Variants in METAP1 observed in about 807,000 individuals in gnomAD.
The protein encoded by METAP1 is methionyl aminopeptidase 1.
In METAP1, 28 loss-of-function variants were observed where a neutral mutation model predicts 53.8. The ratio of observed to expected loss-of-function variants is 0.52; its 90% CI spans 0.39 to 0.71. METAP1 has a LOEUF of 0.71. METAP1 is among the 30% of genes least tolerant of loss of function. The pLI, the probability that METAP1 is intolerant of heterozygous loss-of-function variation, is 0.00. For missense variants in METAP1, 389 were observed against 479.8 expected, an observed-to-expected ratio of 0.81 and a Z score of 1.77; for synonymous variants, 181 against 165.7, an observed-to-expected ratio of 1.09 and a Z score of -0.71.
intron 9 of METAP1, among the ~76,000 whole-genome samples, chr4:99,055,024 C>T (rs1726994440): frequency 6.6e-6 from 1 of 151,860 alleles, no homozygotes; most frequent in Admixed American, 6.6e-5. Context: ...AGTGAACATG[C>T]ACTGTTGGAA....
At chr4:99,013,437 T>C (rs990642749) in intron 1 of METAP1, among the ~76,000 whole-genome samples, 1 of 152,156 alleles carries the variant, frequency 6.6e-6, no homozygotes, top group Non-Finnish European at 1.5e-5. Flanking sequence ...CTGTTGGGCA[T>C]GGGAGTTTGA....
At chr4:99,041,899 T>C (rs1334970347) in intron 6 of METAP1, among the ~76,000 whole-genome samples, 1 of 150,838 alleles carries the variant, frequency 6.6e-6, no homozygotes, top group African/African-American at 2.5e-5. Context: ...CAGAATCTTA[T>C]TAATCCTGAC....
At chr4:99,025,030 C>G (rs760463829) in intron 1 of METAP1, among the ~76,000 whole-genome samples, 1 of 152,226 alleles carries the variant, frequency 6.6e-6, no homozygotes, top group Non-Finnish European at 1.5e-5. Flanking sequence ...CTATGAGAAT[C>G]TAATGCCACT....
At position 99,023,360 on chromosome 4, in the gene METAP1, T is replaced by C. The variant is rs547404815; in HGVS notation, c.115-5507T>C. On this transcript the variant is annotated intron_variant, in intron 1 of 10. Coordinates refer to ENST00000296411, the MANE Select transcript of METAP1 (RefSeq NM_015143.3). ...TTGGAATTGAGCTACTGGGTCAAAGTATTTTTTTTTGTCTTTGCATATGTG... is the reference window on the plus strand; with the variant it reads ...TTGGAATTGAGCTACTGGGTCAAAGCATTTTTTTTTGTCTTTGCATATGTG... 3.5e-6 allele frequency: 3 copies of C among 853,600 alleles called. No homozygotes were observed. In the South Asian group the frequency reaches 1.4e-4, roughly 40 times the overall value. The allele number at this position is 853,600 out of a possible 1,614,324, so 52.9% of individuals were successfully genotyped here.
chr4:99,041,672 A>G (rs1283654212), intron 6 of METAP1, among the ~76,000 whole-genome samples: 2 of 152,034 alleles, frequency 1.3e-5, no homozygotes, highest in Admixed American at 1.3e-4. Flanking sequence ...TTAATATAAC[A>G]TATGGAAAGC....
At position 99,043,295 on chromosome 4, in the gene METAP1, AT is replaced by A; in HGVS notation, c.566del (p.Phe189SerfsTer9). On this transcript the variant is annotated frameshift_variant, in exon 7 of 11. Transcript: ENST00000296411. LOFTEE classifies it high-confidence loss of function. Reference protein sequence around the residue: ...NCYPSPLNYYNFPKSCCTSVN... With the variant: ...NCYPSPLNYYXFPKSCCTSVN... ...TACCCTTCTCCCCTGAATTATTATA[AT>A]TTCCCAAAGTCTTGTTGTACCTCAG... 6.2e-7 allele frequency: 1 copy of A among 1,606,102 alleles called. No homozygotes were observed.
chr4:98,996,770 G>A (rs1439926524), intron 1 of METAP1, among the ~76,000 whole-genome samples: 3 of 152,192 alleles, frequency 2.0e-5, no homozygotes, highest in African/African-American at 7.2e-5. Flanking sequence ...CAGGATGAGG[G>A]CTGGGCGGCA....
chr4:99,035,358 A>C, intron 3 of METAP1, 42 bp from the exon 4 acceptor site: 2 of 1,424,552 alleles, frequency 1.4e-6, no homozygotes, highest in Non-Finnish European at 1.9e-6. Context: ...CGTTTTATTT[A>C]TTTTTCGTTG....
intron 7 of METAP1, among the ~76,000 whole-genome samples, chr4:99,044,653 A>G (rs763014003): frequency 3.3e-5 from 5 of 151,800 alleles, no homozygotes; most frequent in Non-Finnish European, 5.9e-5. Flanking sequence ...TATATAATAT[A>G]TAGTATAATA....
At chr4:99,012,399 T>C (rs1260579742) in intron 1 of METAP1, among the ~76,000 whole-genome samples, 1 of 151,510 alleles carries the variant, frequency 6.6e-6, no homozygotes, top group Non-Finnish European at 1.5e-5. Flanking sequence ...GCCTCTCGAG[T>C]AGCTGCACTG....
chr4:99,047,693 G>C (rs564097201), intron 8 of METAP1, among the ~76,000 whole-genome samples: 95 of 152,330 alleles, frequency 6.2e-4, no homozygotes, highest in Non-Finnish European at 1.1e-3. Flanking sequence ...CTGAGTAGGA[G>C]AGTAGAGAGA....
At chr4:99,022,848 C>T (rs980010674) in intron 1 of METAP1, 98 of 1,561,554 alleles carry the variant, frequency 6.3e-5, no homozygotes, top group Non-Finnish European at 8.0e-5. Flanking sequence ...TGCTTTTTTC[C>T]CTCCCACGGC....
At chr4:99,039,525 T>G in intron 5 of METAP1, 60 bp downstream of exon 5, 1 of 988,468 alleles carries the variant, frequency 1.0e-6, no homozygotes, top group Non-Finnish European at 1.6e-6. Flanking sequence ...AGACATGAAG[T>G]CAGTGGTTTG....
At chr4:99,045,624 C>T (rs1660222690) in intron 8 of METAP1, among the ~76,000 whole-genome samples, 1 of 152,114 alleles carries the variant, frequency 6.6e-6, no homozygotes, top group Non-Finnish European at 1.5e-5. Context: ...CTTTCCAGTA[C>T]ATAAATATTA....
chr4:99,022,095 A>T (rs574568207), intron 1 of METAP1, among the ~76,000 whole-genome samples: 2 of 152,252 alleles, frequency 1.3e-5, no homozygotes, highest in African/African-American at 4.8e-5. Context: ...CAGTAGTCAT[A>T]ATCATGCTAG....
chr4:99,043,085 G>A (rs1417707622), intron 6 of METAP1, among the ~76,000 whole-genome samples, 164 bp from the exon 7 acceptor site: 4 of 152,076 alleles, frequency 2.6e-5, no homozygotes, highest in Non-Finnish European at 5.9e-5. Flanking sequence ...AAACCCTGTT[G>A]TATATTGTTT....
rs569931530 is a variant in METAP1 at position 99,003,873 on chromosome 4, A to G, written c.114+8006A>G. 5.3e-5 allele frequency among the ~76,000 whole-genome samples: 8 copies of G among 152,202 alleles called. No individual in the cohort carries two copies. The East Asian group carries it at 7.7e-4, about 15-fold the overall frequency. On this transcript the variant is annotated intron_variant, in intron 1 of 10. Transcript: ENST00000296411. ...CATTTCCTACACTGTTTGACTGGAT[A>G]TAGTGTCAGATCCCAGAGATAGAGG...
chr4:99,049,479 TGTTTATATAAATAGA>T (rs894782976), intron 9 of METAP1, among the ~76,000 whole-genome samples: 28 of 152,212 alleles, frequency 1.8e-4, no homozygotes, highest in African/African-American at 6.5e-4. Context: ...CTGTAATATT[TGTTTATATAAATAGA>T]GGGGAATAAA....
intron 2 of METAP1, chr4:99,031,465 C>G: frequency 1.6e-6 from 2 of 1,284,752 alleles, no homozygotes; most frequent in African/African-American, 1.5e-5. Flanking sequence ...TCCTTCCACT[C>G]CCCTACCCAT....
Sources: allele counts gnomAD v4.1 joint callset (sites outside exome capture counted in the v4.1 genomes callset), GRCh38; gene constraint gnomAD v4.1.1; transcripts MANE v1.5; gene names NCBI Gene and HGNC (gene_info 2026-07-23, HGNC 2026-07-21).